Variants in CHST11 observed in about 807,000 individuals in gnomAD.
CHST11 encodes C4S-1.
CHST11 carries 9 observed loss-of-function variants against 30.4 expected under a neutral mutation model. That is an observed-to-expected ratio of 0.30 (90% confidence interval 0.18 to 0.52). The LOEUF is 0.52. CHST11 is among the 20% of genes least tolerant of loss of function. The pLI, the probability that CHST11 is intolerant of heterozygous loss-of-function variation, is 0.97. For missense variants in CHST11, 348 were observed against 460.6 expected, an observed-to-expected ratio of 0.76 and a Z score of 2.24; for synonymous variants, 152 against 187.8, an observed-to-expected ratio of 0.81 and a Z score of 1.56.
At chr12:104,647,495 T>C (rs1472082840) in intron 2 of CHST11, among the ~76,000 whole-genome samples, 2 of 152,222 alleles carry the variant, frequency 1.3e-5, no homozygotes, top group Non-Finnish European at 2.9e-5. Flanking sequence ...ATTGTAAACA[T>C]TTAACAATGG....
At chr12:104,653,558 G>A (rs192087176) in intron 2 of CHST11, among the ~76,000 whole-genome samples, 53 of 152,226 alleles carry the variant, frequency 3.5e-4, no homozygotes, top group Non-Finnish European at 1.6e-4. Flanking sequence ...AACAAACGCC[G>A]TCTCCCACTG....
At chr12:104,711,105 C>G (rs1235196518) in intron 2 of CHST11, among the ~76,000 whole-genome samples, 1 of 152,118 alleles carries the variant, frequency 6.6e-6, no homozygotes, top group African/African-American at 2.4e-5. Flanking sequence ...TTTCTTCTTC[C>G]CTAGAGCAAC....
At chr12:104,473,548 C>T (rs2135955749) in intron 1 of CHST11, among the ~76,000 whole-genome samples, 1 of 152,284 alleles carries the variant, frequency 6.6e-6, no homozygotes, top group Non-Finnish European at 1.5e-5. Context: ...CTGCTGCTTC[C>T]TCCTGGAAGC....
At chr12:104,472,379 G>T (rs913405154) in intron 1 of CHST11, among the ~76,000 whole-genome samples, 2 of 149,922 alleles carry the variant, frequency 1.3e-5, no homozygotes, top group Non-Finnish European at 2.9e-5. Context: ...GATATTGGCT[G>T]CAAAGTTTTA....
rs534133552 is a variant in CHST11, at chr12:104,617,756, C to A, written c.204+15765C>A. ...CAATTTGGTGTCAGTTTTCTAATCC[C>A]TCTGTGCCTCAGTTTCTTTCTATGT... On this transcript the variant is annotated intron_variant, in intron 2 of 2. Transcript: ENST00000303694. Among the ~76,000 whole-genome samples, 24 of 152,308 alleles carry A rather than the reference C, an allele frequency of 1.6e-4. 1 individual carries two copies. In the South Asian group the frequency reaches 2.3e-3, roughly 14 times the overall value.
rs1273765068 is a variant in CHST11 at position 104,757,905 on chromosome 12, T to C, written c.*102T>C. 2.5e-6 allele frequency: 3 copies of C among 1,223,748 alleles called. No homozygotes were observed. In the East Asian group the frequency reaches 7.4e-5, roughly 30 times the overall value. 75.8% of individuals were successfully genotyped at this position (1,223,748 alleles called of 1,614,324 possible). ...GGTTATTTTGTAAATTAATATTTCT[T>C]TGGGGATGATGCTGCGAGCAGCATA... On this transcript the variant is annotated 3_prime_UTR_variant, in exon 3 of 3. Coordinates refer to ENST00000303694, the MANE Select transcript of CHST11 (RefSeq NM_018413.6). This position sits in a 1 kb window ranked among gnomAD's most constrained non-coding sequence, Gnocchi z 6.5.
intron 2 of CHST11, among the ~76,000 whole-genome samples, chr12:104,684,432 C>CT (rs1336929454): frequency 2.6e-5 from 4 of 152,196 alleles, no homozygotes; most frequent in Non-Finnish European, 5.9e-5. Context: ...GAGCCCAACT[C>CT]TATCATCTGT....
At chr12:104,541,098 T>A (rs78596691) in intron 1 of CHST11, among the ~76,000 whole-genome samples, 4,014 of 148,880 alleles carry the variant, frequency 0.027, 196 homozygotes, top group African/African-American at 0.095. Flanking sequence ...TATGTTTGTA[T>A]TCTGCAGAAT....
rs558184258 is a variant in CHST11, at chr12:104,554,907, A to G, written c.119-46999A>G. 2.0e-5 allele frequency among the ~76,000 whole-genome samples: 3 copies of G among 152,280 alleles called. No individual in the cohort carries two copies. In the East Asian group the frequency reaches 5.8e-4, roughly 29 times the overall value. Reference sequence around the variant, plus strand: ...ATTGCTTTCCCCATCCAGAATGAGGAAAAAGGGGGACTTGAGGCTGTACCG... The same window carrying G: ...ATTGCTTTCCCCATCCAGAATGAGGGAAAAGGGGGACTTGAGGCTGTACCG... On this transcript the variant is annotated intron_variant, in intron 1 of 2. Transcript: ENST00000303694.
chr12:104,712,544 G>C (rs1224055041), intron 2 of CHST11, among the ~76,000 whole-genome samples: 1 of 152,138 alleles, frequency 6.6e-6, no homozygotes, highest in African/African-American at 2.4e-5. Context: ...CCAAAGGCCA[G>C]GCAGCCATTT....
intron 1 of CHST11, among the ~76,000 whole-genome samples, chr12:104,497,606 A>G (rs910162820): frequency 6.6e-6 from 1 of 152,096 alleles, no homozygotes; most frequent in African/African-American, 2.4e-5. Context: ...TGTTTTCTCT[A>G]CACTGTTTCC....
chr12:104,483,898 G>A (rs1159225551), intron 1 of CHST11, among the ~76,000 whole-genome samples: 1 of 152,090 alleles, frequency 6.6e-6, no homozygotes, highest in African/African-American at 2.4e-5. Context: ...GGCAAAGGTG[G>A]GGACGTAGTC....
Position 104,525,448 on chromosome 12 carries a change from A to T in CHST11, c.118+67919A>T, listed in dbSNP as rs116495917. On this transcript the variant is annotated intron_variant, in intron 1 of 2. Coordinates refer to ENST00000303694, the MANE Select transcript of CHST11 (RefSeq NM_018413.6). ...TTTTGAATTAGCATGAGGACAGGCC[A>T]TTAAAATTCATGATTAAGAGCACAG... Among the ~76,000 whole-genome samples the T allele has an allele frequency of 2.9e-3, 446 of 152,370 alleles. 5 individuals carry two copies. Among genetic ancestry groups the T allele is most frequent in the African/African-American group, 0.01 (423 of 41,598 alleles).
chr12:104,506,497 T>C (rs920412026), intron 1 of CHST11, among the ~76,000 whole-genome samples: 9 of 152,176 alleles, frequency 5.9e-5, no homozygotes, highest in African/African-American at 2.2e-4. Context: ...TTTTCAAATG[T>C]TGGAGTGGGA....
intron 2 of CHST11, among the ~76,000 whole-genome samples, chr12:104,651,267 C>T (rs1172410449): frequency 6.6e-6 from 1 of 152,210 alleles, no homozygotes; most frequent in African/African-American, 2.4e-5. Flanking sequence ...CATCAGTTCA[C>T]ATGAAGATGA....
At chr12:104,563,824 G>A (rs1269269550) in intron 1 of CHST11, among the ~76,000 whole-genome samples, 5 of 151,966 alleles carry the variant, frequency 3.3e-5, no homozygotes, top group Admixed American at 2.0e-4. Context: ...TGTATGGTTC[G>A]GGAGGGGTTT....
chr12:104,586,098 C>T (rs1381860915), intron 1 of CHST11, among the ~76,000 whole-genome samples: 1 of 152,184 alleles, frequency 6.6e-6, no homozygotes, highest in Non-Finnish European at 1.5e-5. Context: ...ACGGTCATAG[C>T]ACGTCACAGT....
chr12:104,709,216 G>A (rs2136119173), intron 2 of CHST11, among the ~76,000 whole-genome samples: 1 of 152,314 alleles, frequency 6.6e-6, no homozygotes, highest in Admixed American at 6.5e-5. Context: ...TGGCCCTCCT[G>A]TGGGGACCTA....
chr12:104,659,123 C>T (rs376488287), intron 2 of CHST11, among the ~76,000 whole-genome samples: 2 of 152,232 alleles, frequency 1.3e-5, no homozygotes, highest in African/African-American at 2.4e-5. Flanking sequence ...TGGGTTCTAA[C>T]ATGTGATGTG....
Sources: allele counts gnomAD v4.1 joint callset (sites outside exome capture counted in the v4.1 genomes callset), GRCh38; gene constraint gnomAD v4.1.1; non-coding constraint Gnocchi (gnomAD v3.1); transcripts MANE v1.5; gene names NCBI Gene and HGNC (gene_info 2026-07-23, HGNC 2026-07-21).